SEMA3A: variants seen among roughly 807,000 people sequenced by gnomAD.
SEMA3A encodes the protein semaphorin-3A.
A neutral mutation model predicts 97.9 loss-of-function variants in SEMA3A; 29 were observed. That is an observed-to-expected ratio of 0.30 (90% CI 0.22 to 0.40). The LOEUF (loss-of-function observed/expected upper bound fraction) is 0.40. Ranked by LOEUF, SEMA3A falls within the 10% of genes least tolerant of loss-of-function variation. The pLI is 1.00. For missense variants in SEMA3A, 763 were observed against 951.3 expected, an observed-to-expected ratio of 0.80 and a Z score of 2.60; for synonymous variants, 321 against 323.7, an observed-to-expected ratio of 0.99 and a Z score of 0.09.
chr7:84,380,768 A>G (rs1322360488), intron 1 of SEMA3A, among the ~76,000 whole-genome samples: 1 of 152,142 alleles, frequency 6.6e-6, no homozygotes, highest in Non-Finnish European at 1.5e-5. Flanking sequence ...TTTCACTTCT[A>G]TTTCCAGTTT....
chr7:84,427,635 G>A lies in SEMA3A; in HGVS notation c.-245-55735C>T, dbSNP rs374394645. On this transcript the variant is annotated intron_variant, in intron 1 of 3. Coordinates refer to the SEMA3A transcript ENST00000424555. ...ACTGCACTCCAGCCTGGGAGACAGAGTGAGATTCTGTCTCAAAAAAAAAAA... is the reference window on the plus strand; with the variant it reads ...ACTGCACTCCAGCCTGGGAGACAGAATGAGATTCTGTCTCAAAAAAAAAAA... Among the ~76,000 whole-genome samples, 84 of 105,470 alleles carry A rather than the reference G, an allele frequency of 8.0e-4. 1 individual carries two copies. In the East Asian group the frequency reaches 0.014, roughly 17 times the overall value. The allele number at this position is 105,470 out of a possible 152,430, so 69.2% of individuals were successfully genotyped here. A position where few individuals can be genotyped will look rare whatever the true frequency, so the allele number is the denominator to read the frequency against.
intron 13 of SEMA3A, 120 bp from the exon 14 acceptor site, chr7:83,981,598 C>T (rs1175304807): frequency 1.1e-6 from 1 of 899,608 alleles, no homozygotes; most frequent in East Asian, 3.0e-5. Flanking sequence ...TTAAAAAAAT[C>T]ATCCCTTTAT....
rs546621209 is a variant in SEMA3A at position 83,967,196 on chromosome 7, T to TAAAC, written c.1718-3853_1718-3850dup. Among the ~76,000 whole-genome samples the TAAAC allele has an allele frequency of 2.9e-4, 44 of 152,282 alleles. No individual in the cohort carries two copies. In the South Asian group the frequency reaches 8.9e-3, roughly 31 times the overall value. On this transcript the variant is annotated intron_variant, in intron 15 of 16. Transcript: ENST00000265362. Reference sequence around the variant, plus strand: ...TAATTTCCCCTAACCTGACATCTTATAAACAGATACCTAATCAATATTTTA... The same window carrying TAAAC: ...TAATTTCCCCTAACCTGACATCTTATAAACAAACAGATACCTAATCAATATTTTA...
At position 84,120,875 on chromosome 7, in the gene SEMA3A, C is replaced by A. The variant is rs1048376763; in HGVS notation, c.333+8248G>T. On this transcript the variant is annotated intron_variant, in intron 3 of 16. Transcript: ENST00000265362. ...TTCAGAGGTAAAGGACTTTATTACTCACAAAAATAGTGCTAGCTAGAGTAT... is the reference window on the plus strand; with the variant it reads ...TTCAGAGGTAAAGGACTTTATTACTAACAAAAATAGTGCTAGCTAGAGTAT... Among the ~76,000 whole-genome samples the A allele has an allele frequency of 5.9e-5, 9 of 152,206 alleles. No homozygotes were observed. The South Asian group carries it at 1.9e-3, about 32-fold the overall frequency.
chr7:84,116,487 T>C (rs1458875726), intron 3 of SEMA3A, among the ~76,000 whole-genome samples: 3 of 152,184 alleles, frequency 2.0e-5, no homozygotes, highest in African/African-American at 7.2e-5. Flanking sequence ...ACCAGAGTTG[T>C]GAGACTCTGT....
chr7:84,346,991 G>T (rs1802314274), intron 2 of SEMA3A, among the ~76,000 whole-genome samples: 1 of 152,130 alleles, frequency 6.6e-6, no homozygotes, highest in Admixed American at 6.5e-5. Context: ...AAATAAAAAT[G>T]AAAACAAAAT....
chr7:84,369,546 T>C lies in SEMA3A; in HGVS notation c.-169+2278A>G, dbSNP rs895441359. 3.3e-5 allele frequency among the ~76,000 whole-genome samples: 5 copies of C among 151,182 alleles called. No individual in the cohort carries two copies. The Admixed American group carries it at 3.3e-4, about 10-fold the overall frequency. On this transcript the variant is annotated intron_variant, in intron 2 of 3. Transcript: ENST00000424555. ...CTTCAGATGATTATATTGAACAGTC[T>C]TTTTAAGAAATATATTCAACCCCCA... is the stretch of plus-strand genomic sequence containing the variant.
At chr7:84,076,589 A>G (rs1222979622) in intron 4 of SEMA3A, among the ~76,000 whole-genome samples, 1 of 152,134 alleles carries the variant, frequency 6.6e-6, no homozygotes, top group Admixed American at 6.6e-5. Flanking sequence ...TTAGATCCCG[A>G]ATTCACCTGA....
At chr7:84,044,397 A>T (rs555031930) in intron 6 of SEMA3A, among the ~76,000 whole-genome samples, 1 of 152,170 alleles carries the variant, frequency 6.6e-6, no homozygotes, top group Non-Finnish European at 1.5e-5. Context: ...ATTTGACTAC[A>T]TGTCTAATCC....
At chr7:84,462,493 C>G (rs570796135) in intron 1 of SEMA3A, among the ~76,000 whole-genome samples, 1 of 152,284 alleles carries the variant, frequency 6.6e-6, no homozygotes, top group East Asian at 1.9e-4. Flanking sequence ...TCCACAGGAT[C>G]ATTACAGACT....
At chr7:84,134,095 T>G (rs1796050787) in intron 2 of SEMA3A, among the ~76,000 whole-genome samples, 2 of 151,876 alleles carry the variant, frequency 1.3e-5, no homozygotes, top group Non-Finnish European at 2.9e-5. Flanking sequence ...AAATATAGCT[T>G]ATTAATGAAA....
intron 1 of SEMA3A, among the ~76,000 whole-genome samples, chr7:84,382,406 C>T (rs1437406299): frequency 6.6e-6 from 1 of 151,194 alleles, no homozygotes; most frequent in Non-Finnish European, 1.5e-5. Flanking sequence ...TGTGCCAGCC[C>T]TCATATGCTA....
At chr7:84,249,835 A>G (rs1799565512) in intron 3 of SEMA3A, among the ~76,000 whole-genome samples, 1 of 151,596 alleles carries the variant, frequency 6.6e-6, no homozygotes, top group Admixed American at 6.6e-5. Flanking sequence ...ATTATTTCAG[A>G]AGTCAAGTGA....
intron 3 of SEMA3A, among the ~76,000 whole-genome samples, chr7:84,274,499 AT>A (rs968592816): frequency 6.6e-6 from 1 of 152,156 alleles, no homozygotes; most frequent in Non-Finnish European, 1.5e-5. Flanking sequence ...GCCCGGAACA[AT>A]TAAGCATGGG....
chr7:84,083,502 A>AC (rs962730540), intron 4 of SEMA3A, among the ~76,000 whole-genome samples: 1 of 151,904 alleles, frequency 6.6e-6, no homozygotes, highest in African/African-American at 2.4e-5. Context: ...ACAATAAATT[A>AC]CTGTTAACTA....
At chr7:84,305,827 A>G (rs1801140217) in intron 3 of SEMA3A, among the ~76,000 whole-genome samples, 1 of 151,952 alleles carries the variant, frequency 6.6e-6, no homozygotes, top group Admixed American at 6.6e-5. Flanking sequence ...TGTATGATGC[A>G]CTCATGAAAA....
In SEMA3A at chr7:84,175,092, G is replaced by C. The variant is rs532025527; in HGVS notation, c.112+19383C>G. Among the ~76,000 whole-genome samples the C allele has an allele frequency of 7.2e-5, 11 of 152,240 alleles. No homozygotes were observed. In the East Asian group the frequency reaches 2.1e-3, roughly 29 times the overall value. On this transcript the variant is annotated intron_variant, in intron 1 of 16. Transcript: ENST00000265362. ...GAATCATATATCTTCAGCCAGACCA[G>C]TGATTAAAAGTAAGTAAGGGGTTTG... is the stretch of plus-strand genomic sequence containing the variant.
At chr7:84,407,382 T>G (rs377719640) in intron 1 of SEMA3A, among the ~76,000 whole-genome samples, 25 of 151,974 alleles carry the variant, frequency 1.6e-4, no homozygotes, top group East Asian at 3.9e-4. Flanking sequence ...CACTGCTCAA[T>G]GAAATAAAAG....
intron 6 of SEMA3A, among the ~76,000 whole-genome samples, chr7:84,021,782 T>C (rs1426719024): frequency 1.3e-5 from 2 of 152,154 alleles, no homozygotes; most frequent in African/African-American, 4.8e-5. Flanking sequence ...TAAAAATTGG[T>C]AGGTTCTTTT....
Sources: allele counts gnomAD v4.1 joint callset (sites outside exome capture counted in the v4.1 genomes callset), GRCh38; gene constraint gnomAD v4.1.1; transcripts MANE v1.5; gene names NCBI Gene and HGNC (gene_info 2026-07-23, HGNC 2026-07-21).